Variants in LDLRAD4 observed in about 807,000 individuals in gnomAD.
LDLRAD4 encodes the protein low density lipoprotein receptor class A domain containing 4.
A neutral mutation model predicts 17.0 loss-of-function variants in LDLRAD4; 5 were observed. That is an observed-to-expected ratio of 0.29 (90% CI 0.15 to 0.62). LDLRAD4 has a LOEUF of 0.62. Among genes scored for constraint, LDLRAD4 ranks in the 20% least tolerant of loss-of-function variants. The probability of loss-of-function intolerance (pLI) is 0.84; values close to 1 mark genes in which losing one functional copy is unlikely to be tolerated. For missense variants in LDLRAD4, 340 were observed against 424.7 expected, an observed-to-expected ratio of 0.80 and a Z score of 1.75; for synonymous variants, 168 against 171.8, an observed-to-expected ratio of 0.98 and a Z score of 0.17.
intron 3 of LDLRAD4, among the ~76,000 whole-genome samples, chr18:13,565,978 T>G (rs2094596131): frequency 6.6e-6 from 1 of 152,224 alleles, no homozygotes; most frequent in African/African-American, 2.4e-5. Context: ...AGGCACGCCA[T>G]TCGTCCATTC....
chr18:13,473,050 A>G (rs1244083050), intron 3 of LDLRAD4, among the ~76,000 whole-genome samples: 1 of 152,194 alleles, frequency 6.6e-6, no homozygotes, highest in Non-Finnish European at 1.5e-5. Flanking sequence ...AAAATACTTT[A>G]TGGGAATACA....
At chr18:13,292,075 G>C (rs2045994327) in intron 1 of LDLRAD4, among the ~76,000 whole-genome samples, 1 of 152,200 alleles carries the variant, frequency 6.6e-6, no homozygotes, top group African/African-American at 2.4e-5. Context: ...AGGTGCAGCT[G>C]GGGTCAGTGA....
intron 3 of LDLRAD4, among the ~76,000 whole-genome samples, chr18:13,504,666 G>A (rs1373175600): frequency 6.6e-6 from 1 of 152,184 alleles, no homozygotes; most frequent in Admixed American, 6.5e-5. Context: ...CACCTCAGGT[G>A]ATCTGCCTGC....
intron 3 of LDLRAD4, among the ~76,000 whole-genome samples, chr18:13,581,593 A>T (rs1278712105): frequency 6.6e-6 from 1 of 152,136 alleles, no homozygotes; most frequent in Non-Finnish European, 1.5e-5. Context: ...TTTGTCTACC[A>T]TTCATTTTCT....
At position 13,651,382 on chromosome 18, in the gene LDLRAD4, C is replaced by G. The variant is rs550220412; in HGVS notation, c.*5725C>G. 10 of 151,924 alleles carry G rather than the reference C, an allele frequency of 6.6e-5. No homozygotes were observed. In the South Asian group the frequency reaches 2.1e-3, roughly 32 times the overall value. The allele number at this position is 151,924 out of a possible 1,614,324, so 9.4% of individuals were successfully genotyped here. The stretch of plus-strand genomic sequence containing the variant: ...AAAACAAATACACTTACAAGAAGAC[C>G]CTGTTCTTAGAAAATGTGTTTAGTT... On this transcript the variant is annotated 3_prime_UTR_variant, in exon 6 of 6. Coordinates refer to ENST00000359446, the Ensembl canonical transcript of LDLRAD4.
intron 2 of LDLRAD4, among the ~76,000 whole-genome samples, chr18:13,425,118 A>G (rs547025738): frequency 3.3e-5 from 5 of 152,360 alleles, no homozygotes; most frequent in South Asian, 2.1e-4. Context: ...CCTTGTATTC[A>G]GGAGAACTTA....
At chr18:13,390,413 T>TC (rs1158136321) in intron 2 of LDLRAD4, among the ~76,000 whole-genome samples, 1 of 152,216 alleles carries the variant, frequency 6.6e-6, no homozygotes, top group African/African-American at 2.4e-5. Context: ...CTCCAGATTG[T>TC]CCCACGCTGT....
chr18:13,620,941 G>A (rs1257934106), intron 3 of LDLRAD4, 176 bp from the exon 5 acceptor site: 4 of 870,718 alleles, frequency 4.6e-6, no homozygotes, highest in Admixed American at 4.2e-5. Context: ...TCCCGACTGT[G>A]CCGTGGTGTC....
At chr18:13,365,788 A>G (rs1568055604) in intron 1 of LDLRAD4, among the ~76,000 whole-genome samples, 2 of 152,180 alleles carry the variant, frequency 1.3e-5, no homozygotes, top group Non-Finnish European at 1.5e-5. Context: ...TGATTGATTG[A>G]TTTGAAACAG....
chr18:13,648,354 A>G (rs2043095510), exon 6 of LDLRAD4: 1 of 152,244 alleles, frequency 6.6e-6, no homozygotes, highest in African/African-American at 2.4e-5. Flanking sequence ...CCTTTGTTAA[A>G]TAGTTATTTA....
chr18:13,591,430 G>C (rs374449200), intron 3 of LDLRAD4, among the ~76,000 whole-genome samples: 7 of 16,170 alleles, frequency 4.3e-4, no homozygotes, highest in East Asian at 8.9e-3. Context: ...GTGTGTGTGT[G>C]TCTGTGTGTG....
chr18:13,293,686 A>G (rs780649817), intron 1 of LDLRAD4, among the ~76,000 whole-genome samples: 1 of 152,254 alleles, frequency 6.6e-6, no homozygotes, highest in Non-Finnish European at 1.5e-5. Context: ...CTGTCTCTCT[A>G]AGTAAGACAT....
At chr18:13,578,624 T>G (rs2094807842) in intron 3 of LDLRAD4, among the ~76,000 whole-genome samples, 1 of 152,188 alleles carries the variant, frequency 6.6e-6, no homozygotes, top group Admixed American at 6.5e-5. Context: ...GGCGATCTTA[T>G]AGAGCCTGTG....
chr18:13,231,348 C>T (rs2042062794), intron 1 of LDLRAD4, among the ~76,000 whole-genome samples: 1 of 152,102 alleles, frequency 6.6e-6, no homozygotes, highest in South Asian at 2.1e-4. Context: ...TGAACCTGGG[C>T]ACGGGGCGCT....
At chr18:13,430,681 A>G (rs1481246208) in intron 2 of LDLRAD4, among the ~76,000 whole-genome samples, 2 of 152,240 alleles carry the variant, frequency 1.3e-5, no homozygotes, top group African/African-American at 2.4e-5. Context: ...ACATACACAT[A>G]TGCTGTATTT....
At chr18:13,432,414 A>C (rs982218290) in intron 2 of LDLRAD4, among the ~76,000 whole-genome samples, 2 of 152,138 alleles carry the variant, frequency 1.3e-5, no homozygotes, top group Admixed American at 1.3e-4. Context: ...TTTTTGATAA[A>C]ATTGGTGTCT....
At chr18:13,372,164 C>G (rs974943133) in intron 1 of LDLRAD4, among the ~76,000 whole-genome samples, 1 of 152,258 alleles carries the variant, frequency 6.6e-6, no homozygotes, top group African/African-American at 2.4e-5. Context: ...CTGCCGTGTG[C>G]CCTTGCCAGG....
At chr18:13,508,648 C>G (rs1274384439) in intron 3 of LDLRAD4, among the ~76,000 whole-genome samples, 3 of 152,168 alleles carry the variant, frequency 2.0e-5, no homozygotes, top group East Asian at 3.9e-4. Context: ...TAAAATAGAT[C>G]CATAGATGTA....
chr18:13,336,270 GTTCT>G (rs758434244), intron 1 of LDLRAD4, among the ~76,000 whole-genome samples: 10 of 152,126 alleles, frequency 6.6e-5, no homozygotes, highest in Non-Finnish European at 1.5e-4. Flanking sequence ...CCAGAGAGTT[GTTCT>G]TTATCTTTAA....
Sources: gnomAD v4.1 joint callset for allele counts (sites outside exome capture counted in the v4.1 genomes callset) on GRCh38, gnomAD v4.1.1 for gene constraint, MANE v1.5 for transcripts, NCBI Gene and HGNC (gene_info 2026-07-23, HGNC 2026-07-21) for gene names.